Variants in GPT2 observed in about 807,000 individuals in gnomAD.
GPT2 encodes alanine aminotransferase 2.
GPT2 carries 30 observed loss-of-function variants against 56.9 expected under a neutral mutation model. The ratio of observed to expected loss-of-function variants is 0.53; its 90% confidence interval spans 0.39 to 0.72. The LOEUF is 0.72. GPT2 is among the 30% of genes least tolerant of loss of function. The pLI is 0.00. For missense variants in GPT2, 542 were observed against 703.4 expected (o/e 0.77, Z 2.60); for synonymous variants, 271 against 283.1 (o/e 0.96, Z 0.43).
chr16:46,926,984 C>T lies in GPT2; in HGVS notation c.1428C>T (p.Ile476=). 1.9e-6 allele frequency: 3 copies of T among 1,609,848 alleles called. No homozygotes were observed. Among genetic ancestry groups the T allele is most frequent in the Non-Finnish European group, 2.5e-6 (3 of 1,178,272 alleles). Residue 476 remains isoleucine (I), a synonymous_variant, in exon 11 of 12, where the codon ATC becomes ATT. Transcript: ENST00000340124. The part of the protein sequence containing the change: ...YCMKLLEETG[I]CVVPGSGFGQ... ...TGAAGCTCCTGGAGGAGACTGGCATCTGTGTCGTGCCCGGCAGTGGCTTTG... is the reference window on the plus strand; with the variant it reads ...TGAAGCTCCTGGAGGAGACTGGCATTTGTGTCGTGCCCGGCAGTGGCTTTG...
Position 46,909,862 on chromosome 16 carries a change from T to C in GPT2, c.755T>C (p.Val252Ala). Residue 252 changes from valine to alanine, a missense_variant, in exon 6 of 12, where the codon GTG becomes GCG. By Grantham distance (64) the Val-to-Ala change is moderately conservative. Transcript: ENST00000340124. ...AATGTGAATGAGCTCCGGCGGGCGG[T>C]GCAGGAGGCCAAAGACCACTGTGAT... ...ALNVNELRRA[V>A]QEAKDHCDPK... 6.2e-7 allele frequency: 1 copy of C among 1,614,068 alleles called. No homozygotes were observed. Among genetic ancestry groups the C allele is most frequent in the African/African-American group, 1.3e-5 (1 of 74,992 alleles).
chr16:46,912,639 G>A (rs1219336981), intron 6 of GPT2, among the ~76,000 whole-genome samples: 3 of 152,236 alleles, frequency 2.0e-5, no homozygotes, highest in East Asian at 3.8e-4. Flanking sequence ...TGTACAGGAA[G>A]CATGGTGGTA....
At chr16:46,908,539 C>G (rs889796403) in intron 5 of GPT2, among the ~76,000 whole-genome samples, 3 of 152,256 alleles carry the variant, frequency 2.0e-5, no homozygotes, top group African/African-American at 4.8e-5. Context: ...CTGTAAGGCT[C>G]TTGTTTGTTG....
chr16:46,897,772 G>A (rs1225035504), intron 3 of GPT2, 35 bp downstream of exon 3: 1 of 1,600,436 alleles, frequency 6.2e-7, no homozygotes. Flanking sequence ...CTGCAGGAGG[G>A]CAGGGCCCTG....
intron 3 of GPT2, among the ~76,000 whole-genome samples, chr16:46,899,037 T>A (rs1029902170): frequency 9.7e-4 from 66 of 67,802 alleles, no homozygotes; most frequent in African/African-American, 6.2e-3. Flanking sequence ...ATATATATAT[T>A]TTTTTTTTTT....
At chr16:46,887,758 C>T (rs1960512336) in intron 2 of GPT2, among the ~76,000 whole-genome samples, 1 of 152,170 alleles carries the variant, frequency 6.6e-6, no homozygotes, top group Non-Finnish European at 1.5e-5. Context: ...GGCCGTTTGG[C>T]TGGACATGTG....
intron 2 of GPT2, among the ~76,000 whole-genome samples, chr16:46,894,234 C>T (rs1038026906): frequency 3.3e-5 from 5 of 152,212 alleles, no homozygotes; most frequent in Non-Finnish European, 5.9e-5. Context: ...AAGGAACATT[C>T]AGGGCTCTGT....
intron 9 of GPT2, 197 bp from the exon 10 acceptor site, chr16:46,924,192 G>T (rs574434420): frequency 1.5e-6 from 1 of 667,686 alleles, no homozygotes; most frequent in Non-Finnish European, 2.7e-6. Context: ...CACCCACTCC[G>T]TCTGTGTGGT....
chr16:46,921,426 G>A (rs1961284449), intron 8 of GPT2, among the ~76,000 whole-genome samples: 1 of 152,114 alleles, frequency 6.6e-6, no homozygotes, highest in Non-Finnish European at 1.5e-5. Context: ...GTCCACCTCG[G>A]CCTCCCAAAG....
intron 10 of GPT2, among the ~76,000 whole-genome samples, chr16:46,926,308 G>A (rs559535290): frequency 6.6e-6 from 1 of 152,136 alleles, no homozygotes; most frequent in African/African-American, 2.4e-5. Context: ...AATTAGCCAG[G>A]TGTGGTGGCA....
intron 9 of GPT2, 51 bp from the exon 10 acceptor site, chr16:46,924,337 TG>T (rs1567343863): frequency 6.3e-7 from 1 of 1,593,180 alleles, no homozygotes; most frequent in Non-Finnish European, 8.6e-7. Context: ...GTGGCTGGAG[TG>T]AATCTTTATC....
At chr16:46,895,902 A>G (rs945413406) in intron 2 of GPT2, among the ~76,000 whole-genome samples, 19 of 152,202 alleles carry the variant, frequency 1.2e-4, no homozygotes, top group African/African-American at 3.9e-4. Flanking sequence ...GCTTTTATTC[A>G]CACATTGCAT....
At position 46,922,285 on chromosome 16, in the gene GPT2, C is replaced by A; in HGVS notation, c.1081C>A (p.Pro361Thr). The change falls in exon 9 of 12, where the codon CCT becomes ACT. Residue 361 changes from proline to threonine, a missense_variant. Physicochemically the swap from Pro to Thr is conservative, Grantham distance 38. Coordinates refer to ENST00000340124, the MANE Select transcript of GPT2 (RefSeq NM_133443.4). ...GGYMEVINLHPEIKGQLVKLL... is the reference protein window; with the variant it reads ...GGYMEVINLHTEIKGQLVKLL... ...CTACATGGAGGTGATCAACCTGCAC[C>A]CTGAGATCAAGGGCCAGCTGGTGAA... 2.5e-6 allele frequency: 4 copies of A among 1,614,132 alleles called. No homozygotes were observed. Among genetic ancestry groups the A allele is most frequent in the Non-Finnish European group, 1.7e-6 (2 of 1,180,026 alleles).
At chr16:46,926,891 C>T (rs746642456) in intron 10 of GPT2, 34 bp from the exon 11 acceptor site, 26 of 1,406,612 alleles carry the variant, frequency 1.8e-5, no homozygotes, top group Non-Finnish European at 2.4e-5. Context: ...TTTGCAAAGC[C>T]AGGAATGATC....
intron 8 of GPT2, among the ~76,000 whole-genome samples, chr16:46,921,674 C>T (rs1256588498): frequency 6.6e-6 from 1 of 152,058 alleles, no homozygotes; most frequent in Non-Finnish European, 1.5e-5. Context: ...TTTTAAAACT[C>T]ATCATGTGTC....
intron 2 of GPT2, among the ~76,000 whole-genome samples, chr16:46,888,564 G>C (rs1224525506): frequency 6.6e-6 from 1 of 152,046 alleles, no homozygotes; most frequent in Non-Finnish European, 1.5e-5. Context: ...GGCCAGGCTG[G>C]TCTTGAACTC....
chr16:46,899,006 TATATATATATATATATATATATATA>T (rs1428310361), intron 3 of GPT2, among the ~76,000 whole-genome samples: 67 of 2,128 alleles, frequency 0.031, 1 homozygote, highest in African/African-American at 0.045. Context: ...CACATATATA[TATATATATATATATATATATATATA>T]TATATTTTTT....
intron 3 of GPT2, among the ~76,000 whole-genome samples, chr16:46,898,965 T>TAC (rs1283133030): frequency 0.022 from 607 of 27,850 alleles, 25 homozygotes; most frequent in African/African-American, 0.055. Flanking sequence ...TGTATATATA[T>TAC]ACACACACAC....
chr16:46,894,649 G>A (rs1307439861), intron 2 of GPT2, among the ~76,000 whole-genome samples: 1 of 152,036 alleles, frequency 6.6e-6, no homozygotes, highest in Non-Finnish European at 1.5e-5. Flanking sequence ...CAGTGGCTGC[G>A]TCTGGATGCC....
Sources: gnomAD v4.1 joint callset for allele counts (sites outside exome capture counted in the v4.1 genomes callset) on GRCh38, gnomAD v4.1.1 for gene constraint, MANE v1.5 for transcripts, NCBI Gene and HGNC (gene_info 2026-07-23, HGNC 2026-07-21) for gene names.